Variants in KCNAB3 observed in about 807,000 individuals in gnomAD.
The protein encoded by KCNAB3 is potassium voltage-gated channel subfamily A regulatory beta subunit 3, also known as voltage-gated potassium channel subunit beta-3.
KCNAB3 carries 62 observed loss-of-function variants against 67.7 expected under a neutral mutation model. That is an observed-to-expected ratio of 0.92 (90% CI 0.75 to 1.13). The LOEUF (loss-of-function observed/expected upper bound fraction) is 1.13. KCNAB3 is among the 50% of genes most tolerant of loss of function. KCNAB3 has a pLI of 0.00. For missense variants in KCNAB3, 514 were observed against 522.9 expected, an observed-to-expected ratio of 0.98 and a Z score of 0.17; for synonymous variants, 212 against 205.4, an observed-to-expected ratio of 1.03 and a Z score of -0.27.
intron 4 of KCNAB3, 82 bp from the exon 5 acceptor site, chr17:7,926,185 G>A: frequency 6.6e-7 from 1 of 1,522,312 alleles, no homozygotes; most frequent in Non-Finnish European, 9.1e-7. Flanking sequence ...TTCCTCTCTT[G>A]CAAAGTAGGA....
In KCNAB3 at chr17:7,929,798, A is replaced by AAT; in HGVS notation, c.-364_-363insAT. ...CGGGGCGGGAGAGAGATGCCACTTC[A>AAT]GCGCGAACCGCTGCGGGACCCGCTG... On this transcript the variant is annotated 5_prime_UTR_variant, in exon 1 of 14. Coordinates refer to ENST00000303790, the MANE Select transcript of KCNAB3 (RefSeq NM_004732.4). This position sits in a 1 kb window ranked among gnomAD's most constrained non-coding sequence, Gnocchi z 5.7. 4.5e-6 allele frequency: 5 copies of AAT among 1,121,284 alleles called. No homozygotes were observed. Among genetic ancestry groups the AAT allele is most frequent in the Admixed American group, 4.9e-5 (1 of 20,572 alleles). The allele number at this position is 1,121,284 out of a possible 1,614,324, so 69.5% of individuals were successfully genotyped here. A position where few individuals can be genotyped will look rare whatever the true frequency, so the allele number is the denominator to read the frequency against.
rs1330158607 is a variant in KCNAB3, at chr17:7,929,645, G to T, written c.-210C>A. On this transcript the variant is annotated 5_prime_UTR_variant, in exon 1 of 14. Transcript: ENST00000303790. The surrounding 1 kb of genome is among the most constrained non-coding windows in gnomAD (Gnocchi z 5.7). ...GTTTGCGGCGGGAGGGAAGAAACGT[G>T]GGGGGCGCCAGGAGTGGAGATATTC... The T allele has an allele frequency of 2.1e-6, 3 of 1,425,192 alleles. No individual in the cohort carries two copies. Among genetic ancestry groups the T allele is most frequent in the East Asian group, 5.2e-5 (2 of 38,138 alleles). The allele number at this position is 1,425,192 out of a possible 1,614,324, so 88.3% of individuals were successfully genotyped here. A position where few individuals can be genotyped will look rare whatever the true frequency, so the allele number is the denominator to read the frequency against.
Position 7,922,418 on chromosome 17 carries a change from C to T in KCNAB3, c.*684G>A, listed in dbSNP as rs1042476710. 1 of 152,182 alleles carries T rather than the reference C, an allele frequency of 6.6e-6. No individual in the cohort carries two copies. The highest frequency in any genetic ancestry group is 1.5e-5 in the Non-Finnish European group (1 of 68,062). 9.4% of individuals were successfully genotyped at this position (152,182 alleles called of 1,614,324 possible). A position where few individuals can be genotyped will look rare whatever the true frequency, so the allele number is the denominator to read the frequency against. On this transcript the variant is annotated 3_prime_UTR_variant, in exon 14 of 14. Transcript: ENST00000303790. ...TCACTAATTCCTGCCAAGAACAGCC[C>T]AACTGTTTTCCAAGGACCACCCCGG...
intron 1 of KCNAB3, among the ~76,000 whole-genome samples, chr17:7,928,783 T>C (rs1222425979): frequency 2.0e-5 from 3 of 152,050 alleles, no homozygotes; most frequent in Non-Finnish European, 4.4e-5. Flanking sequence ...GCAGGGGCAG[T>C]ATCTGGGTCA....
Position 7,925,171 on chromosome 17 carries a change from G to A in KCNAB3, c.551C>T (p.Ser184Phe). The A allele has an allele frequency of 6.2e-7, 1 of 1,613,600 alleles. No homozygotes were observed. The highest frequency in any genetic ancestry group is 1.7e-5 in the Admixed American group (1 of 59,990). ...GTATCCCAGCTGGAGGCGTTCCAGG[G>A]ATCCTCGCAAGCCTGGAGGTGGGGT... ...RKHIIEGLRGSLERLQLGYVD... is the reference protein window; with the variant it reads ...RKHIIEGLRGFLERLQLGYVD... The change falls in exon 8 of 14, where the codon TCC becomes TTC. Residue 184 changes from serine (S) to phenylalanine (F), a missense_variant. Physicochemically the swap from Ser to Phe is radical, Grantham distance 155. Transcript: ENST00000303790.
intron 4 of KCNAB3, 169 bp downstream of exon 4, chr17:7,927,175 C>T: frequency 1.4e-6 from 1 of 691,392 alleles, no homozygotes; most frequent in East Asian, 2.5e-5. Context: ...CAGAGAGGGA[C>T]TAATGTTGGG....
chr17:7,929,812 C>A lies in KCNAB3; in HGVS notation c.-377G>T, dbSNP rs1187548378. The A allele has an allele frequency of 1.9e-6, 2 of 1,079,084 alleles. No homozygotes were observed. The highest frequency in any genetic ancestry group is 3.4e-5 in the African/African-American group (2 of 57,978). 66.8% of individuals were successfully genotyped at this position (1,079,084 alleles called of 1,614,324 possible). ...GATGCCACTTCAGCGCGAACCGCTGCGGGACCCGCTGGGCTCCCAGCCGCG... is the reference window on the plus strand; with the variant it reads ...GATGCCACTTCAGCGCGAACCGCTGAGGGACCCGCTGGGCTCCCAGCCGCG... On this transcript the variant is annotated 5_prime_UTR_variant, in exon 1 of 14. Coordinates refer to ENST00000303790, the MANE Select transcript of KCNAB3 (RefSeq NM_004732.4). The surrounding 1 kb of genome is among the most constrained non-coding windows in gnomAD (Gnocchi z 5.7).
At chr17:7,923,294 C>G in intron 13 of KCNAB3, 115 bp from the exon 14 acceptor site, 1 of 1,276,132 alleles carries the variant, frequency 7.8e-7, no homozygotes, top group Non-Finnish European at 1.1e-6. Context: ...AGGCAAGAGC[C>G]GCAGCTGTGC....
Position 7,924,052 on chromosome 17 carries a change from T to G in KCNAB3, c.843A>C (p.Ser281=), listed in dbSNP as rs778738467. ...PELYHKIGVG[S]VTWYPLACGL... ...CACAGGCTAGAGGGTACCAAGTGAC[T>G]GATCCAACTCCTAAGGGAAGAACAC... The change falls in exon 11 of 14, where the codon TCA becomes TCC. Residue 281 remains serine, a synonymous_variant. Transcript: ENST00000303790. 6.2e-6 allele frequency: 10 copies of G among 1,614,000 alleles called. No homozygotes were observed. Among genetic ancestry groups the G allele is most frequent in the Non-Finnish European group, 8.5e-6 (10 of 1,180,020 alleles).
intron 2 of KCNAB3, 43 bp from the exon 3 acceptor site, chr17:7,927,737 A>C: frequency 1.9e-6 from 3 of 1,614,096 alleles, no homozygotes; most frequent in Non-Finnish European, 2.5e-6. Context: ...CAGGGGGCAG[A>C]CCATGAAAGA....
At chr17:7,928,814 G>A (rs998355255) in intron 1 of KCNAB3, among the ~76,000 whole-genome samples, 9 of 152,176 alleles carry the variant, frequency 5.9e-5, no homozygotes, top group African/African-American at 2.2e-4. Flanking sequence ...GCAGGCCAGA[G>A]TGAGAAGCTG....
rs1488709329 is a variant in KCNAB3, at chr17:7,924,476, A to G, written c.650T>C (p.Val217Ala). ...MEEIVRAMTY[V>A]INQGLALYWG... is the part of the protein sequence containing the mutation. ...GTATAGGGCCAGGCCCTGGTTGATG[A>G]CATAGGTCATGGCTCGCACAATCTC... Residue 217 changes from valine to alanine, a missense_variant, in exon 9 of 14, where the codon GTC (valine) becomes GCC (alanine). By Grantham distance (64) the Val-to-Ala change is moderately conservative. Coordinates refer to ENST00000303790, the MANE Select transcript of KCNAB3 (RefSeq NM_004732.4). 1.9e-6 allele frequency: 3 copies of G among 1,613,960 alleles called. No homozygotes were observed. The highest frequency in any genetic ancestry group is 2.5e-6 in the Non-Finnish European group (3 of 1,179,978).
intron 4 of KCNAB3, chr17:7,927,076 A>T: frequency 8.7e-6 from 4 of 459,274 alleles, no homozygotes; most frequent in Non-Finnish European, 1.6e-5. Context: ...TTGAAAATTC[A>T]TCTTTGTAGT....
At chr17:7,925,261 C>T (rs952387851) in intron 7 of KCNAB3, 78 bp from the exon 8 acceptor site, 18 of 1,166,450 alleles carry the variant, frequency 1.5e-5, no homozygotes, top group Non-Finnish European at 2.2e-5. Flanking sequence ...GGCGTGGTGG[C>T]TCATGCCTGT....
intron 4 of KCNAB3, chr17:7,927,086 T>C (rs1857657404): frequency 2.1e-6 from 1 of 487,530 alleles, no homozygotes; most frequent in Non-Finnish European, 3.7e-6. Context: ...ATCTTTGTAG[T>C]TGCACATAAC....
chr17:7,926,212 A>C, intron 4 of KCNAB3, 109 bp from the exon 5 acceptor site: 5 of 1,268,596 alleles, frequency 3.9e-6, no homozygotes, highest in Non-Finnish European at 5.7e-6. Context: ...CCAGGAGTCC[A>C]TTTCAGCTCA....
Position 7,929,594 on chromosome 17 carries a change from G to A in KCNAB3, c.-159C>T. 7.0e-7 allele frequency: 1 copy of A among 1,437,278 alleles called. No individual in the cohort carries two copies. The highest frequency in any genetic ancestry group is 1.5e-5 in the African/African-American group (1 of 68,432). 89.0% of individuals were successfully genotyped at this position (1,437,278 alleles called of 1,614,324 possible). A position where few individuals can be genotyped will look rare whatever the true frequency, so the allele number is the denominator to read the frequency against. On this transcript the variant is annotated 5_prime_UTR_variant, in exon 1 of 14. Transcript: ENST00000303790. This position sits in a 1 kb window ranked among gnomAD's most constrained non-coding sequence, Gnocchi z 5.7. The stretch of plus-strand genomic sequence containing the variant: ...AGCCGCCAGGCAGGATCGGGCCCGC[G>A]GGGGCGGGCTGCTGGAGGTCGCGAG...
At chr17:7,926,135 C>T in intron 4 of KCNAB3, 32 bp from the exon 5 acceptor site, 1 of 1,612,958 alleles carries the variant, frequency 6.2e-7, no homozygotes, top group Non-Finnish European at 8.5e-7. Context: ...GCCACTGATC[C>T]CTTCTAGGCC....
At position 7,921,900 on chromosome 17, in the gene KCNAB3, TA is replaced by T; in HGVS notation, c.*1201del. On this transcript the variant is annotated 3_prime_UTR_variant, in exon 14 of 14. Coordinates refer to ENST00000303790, the MANE Select transcript of KCNAB3 (RefSeq NM_004732.4). Reference sequence around the variant, plus strand: ...TTAAATACAAACAAATAAAGGCAGATAGCTAAGTCTTTCATAGAAAGAGGAG... The same window carrying T: ...TTAAATACAAACAAATAAAGGCAGATGCTAAGTCTTTCATAGAAAGAGGAG... 6.6e-6 allele frequency: 1 copy of T among 152,182 alleles called. No homozygotes were observed. Among genetic ancestry groups the T allele is most frequent in the Admixed American group, 6.5e-5 (1 of 15,274 alleles). The allele number at this position is 152,182 out of a possible 1,614,324, so 9.4% of individuals were successfully genotyped here.
Sources: allele counts gnomAD v4.1 joint callset (sites outside exome capture counted in the v4.1 genomes callset), GRCh38; gene constraint gnomAD v4.1.1; non-coding constraint Gnocchi (gnomAD v3.1); transcripts MANE v1.5; gene names NCBI Gene and HGNC (gene_info 2026-07-23, HGNC 2026-07-21).